The following PIK3AP1 variants were observed in gnomAD, a reference collection of about 807,000 sequenced individuals.
PIK3AP1 encodes phosphoinositide 3-kinase adapter protein 1.
A neutral mutation model predicts 88.1 loss-of-function variants in PIK3AP1; 21 were observed. The observed-to-expected ratio is 0.24, with a 90% CI of 0.17 to 0.34. The LOEUF (loss-of-function observed/expected upper bound fraction) is 0.34, where lower values mean the gene tolerates loss of function less well. Among genes scored for constraint, PIK3AP1 ranks in the 10% least tolerant of loss-of-function variants. The pLI is 1.00. For synonymous variants in PIK3AP1, 398 were observed against 400.0 expected (o/e 1.00, Z 0.06); for missense variants, 828 against 1,035.7 (o/e 0.80, Z 2.75).
intron 2 of PIK3AP1, 121 bp downstream of exon 2, chr10:96,709,446 T>G: frequency 7.9e-7 from 1 of 1,269,456 alleles, no homozygotes; most frequent in Non-Finnish European, 1.1e-6. Context: ...TCTAAACCCA[T>G]AAATATGACC....
chr10:96,679,699 T>C (rs1166348127), intron 2 of PIK3AP1, among the ~76,000 whole-genome samples: 2 of 152,124 alleles, frequency 1.3e-5, no homozygotes, highest in Non-Finnish European at 2.9e-5. Context: ...TCAGGCAGGT[T>C]TGGGGTTGGT....
At chr10:96,604,344 A>ATTTTTTTTCTTT (rs1848962798) in intron 14 of PIK3AP1, among the ~76,000 whole-genome samples, 1 of 77,126 alleles carries the variant, frequency 1.3e-5, no homozygotes, top group Non-Finnish European at 2.4e-5. Flanking sequence ...CACCTAGCCA[A>ATTTTTTTTCTTT]TTTTTTTTTT....
chr10:96,648,710 G>T lies in PIK3AP1; in HGVS notation c.1134C>A (p.Ile378=). The T allele has an allele frequency of 6.2e-7, 1 of 1,609,962 alleles. No homozygotes were observed. Among genetic ancestry groups the T allele is most frequent in the Non-Finnish European group, 8.5e-7 (1 of 1,178,386 alleles). ...GGTCCCTGAAGCCGTGTTTCTCAGCGATGGTGTTGGGGTAGTGGCCATGCT... is the reference window on the plus strand; with the variant it reads ...GGTCCCTGAAGCCGTGTTTCTCAGCTATGGTGTTGGGGTAGTGGCCATGCT... ...ANKHGHYPNT[I]AEKHGFRDLR... is the part of the protein sequence containing the mutation. Residue 378 remains isoleucine (I), a synonymous_variant, in exon 7 of 17, where the codon ATC becomes ATA. Coordinates refer to ENST00000339364, the MANE Select transcript of PIK3AP1 (RefSeq NM_152309.3).
intron 2 of PIK3AP1, among the ~76,000 whole-genome samples, chr10:96,673,353 T>G (rs1843873725): frequency 6.6e-6 from 1 of 152,164 alleles, no homozygotes; most frequent in African/African-American, 2.4e-5. Flanking sequence ...ATCAGGATCC[T>G]TAGGGAGCAC....
intron 2 of PIK3AP1, among the ~76,000 whole-genome samples, chr10:96,676,308 CTTTT>C (rs147680543): frequency 1.3e-4 from 17 of 126,618 alleles, no homozygotes; most frequent in African/African-American, 3.1e-4. Context: ...TGTGACCTTG[CTTTT>C]TTTTTTTTTT....
chr10:96,617,053 C>T (rs1169127969), intron 12 of PIK3AP1, among the ~76,000 whole-genome samples: 1 of 152,232 alleles, frequency 6.6e-6, no homozygotes, highest in African/African-American at 2.4e-5. Context: ...TCTCACATCA[C>T]TCCCCTGACC....
intron 16 of PIK3AP1, among the ~76,000 whole-genome samples, chr10:96,598,442 G>A (rs529931690): frequency 3.5e-4 from 53 of 151,922 alleles, no homozygotes; most frequent in Non-Finnish European, 5.3e-4. Flanking sequence ...TAAGAGCTCC[G>A]GAAGTCCAAC....
chr10:96,625,937 G>A (rs1843149080), intron 10 of PIK3AP1, among the ~76,000 whole-genome samples: 1 of 151,984 alleles, frequency 6.6e-6, no homozygotes. Flanking sequence ...TTGTAGAGAC[G>A]GAGTTTTGCC....
chr10:96,683,704 T>C (rs75995723), intron 2 of PIK3AP1, among the ~76,000 whole-genome samples: 1,553 of 152,358 alleles, frequency 0.01, 21 homozygotes, highest in African/African-American at 0.036. Flanking sequence ...ATTCATTTAA[T>C]TCATTCATCA....
intron 2 of PIK3AP1, among the ~76,000 whole-genome samples, chr10:96,684,228 G>T (rs942064496): frequency 5.3e-5 from 8 of 152,198 alleles, no homozygotes; most frequent in Non-Finnish European, 1.2e-4. Flanking sequence ...AGCTAGTTAG[G>T]CAATGTGAGC....
rs1278275468 is a variant in PIK3AP1 at position 96,720,292 on chromosome 10, A to G, written c.13+90T>C. ...CAAGATCCCCGCACAGAGGACGCAAACAGAAGCAAGCGGGGGAGCGCGCCT... is the reference window on the plus strand; with the variant it reads ...CAAGATCCCCGCACAGAGGACGCAAGCAGAAGCAAGCGGGGGAGCGCGCCT... On this transcript the variant is annotated intron_variant, in intron 1 of 16. Coordinates refer to ENST00000339364, the MANE Select transcript of PIK3AP1 (RefSeq NM_152309.3). This position sits in a 1 kb window ranked among gnomAD's most constrained non-coding sequence, Gnocchi z 4.6. The G allele has an allele frequency of 1.7e-6, 2 of 1,199,806 alleles. No individual in the cohort carries two copies. The highest frequency in any genetic ancestry group is 2.1e-6 in the Non-Finnish European group (2 of 950,544). The allele number at this position is 1,199,806 out of a possible 1,614,324, so 74.3% of individuals were successfully genotyped here. A position where few individuals can be genotyped will look rare whatever the true frequency, so the allele number is the denominator to read the frequency against.
intron 2 of PIK3AP1, among the ~76,000 whole-genome samples, chr10:96,665,542 G>C (rs1173671179): frequency 6.6e-6 from 1 of 152,202 alleles, no homozygotes; most frequent in Admixed American, 6.5e-5. Flanking sequence ...TCTCAAACCA[G>C]TGTCTGGTCT....
At chr10:96,622,241 A>G (rs1025387265) in intron 11 of PIK3AP1, among the ~76,000 whole-genome samples, 1 of 152,174 alleles carries the variant, frequency 6.6e-6, no homozygotes, top group Non-Finnish European at 1.5e-5. Flanking sequence ...TCTCTTCTAC[A>G]TTACAAATTC....
chr10:96,603,928 G>C (rs369696431), intron 15 of PIK3AP1, 51 bp downstream of exon 15: 5 of 1,457,988 alleles, frequency 3.4e-6, no homozygotes, highest in Non-Finnish European at 4.7e-6. Context: ...TATCTCTTGC[G>C]ATGAAACGAC....
chr10:96,638,869 C>T (rs1007841147), intron 8 of PIK3AP1, among the ~76,000 whole-genome samples: 4 of 152,166 alleles, frequency 2.6e-5, no homozygotes, highest in African/African-American at 7.2e-5. Flanking sequence ...CTTTGAAAGG[C>T]AAGTTTCATG....
At chr10:96,630,065 C>T (rs1843224845) in intron 8 of PIK3AP1, among the ~76,000 whole-genome samples, 1 of 151,932 alleles carries the variant, frequency 6.6e-6, no homozygotes, top group Non-Finnish European at 1.5e-5. Flanking sequence ...GAAAGATATT[C>T]CACTGTTCAT....
At chr10:96,711,280 T>G (rs1844434199) in intron 1 of PIK3AP1, among the ~76,000 whole-genome samples, 1 of 152,236 alleles carries the variant, frequency 6.6e-6, no homozygotes, top group African/African-American at 2.4e-5. Context: ...CATCAGGAAC[T>G]ATGTCAAGAA....
chr10:96,623,496 C>G lies in PIK3AP1; in HGVS notation c.1711G>C (p.Val571Leu). ...CCTTTCCTGATGCTCTCTGAGGAAA[C>G]GTAGAAATTCCCAGGCCGCTCTTGA... ...KSQERPGNFYVSSESIRKGPP... is the reference protein window; with the variant it reads ...KSQERPGNFYLSSESIRKGPP... Residue 571 changes from valine (V) to leucine (L), a missense_variant, in exon 11 of 17, where the codon GTT becomes CTT. Coordinates refer to ENST00000339364, the MANE Select transcript of PIK3AP1 (RefSeq NM_152309.3). 1 of 1,611,950 alleles carries G rather than the reference C, an allele frequency of 6.2e-7. No homozygotes were observed. The highest frequency in any genetic ancestry group is 8.5e-7 in the Non-Finnish European group (1 of 1,178,422).
At chr10:96,629,939 G>GAAAAAAAAA (rs1220464470) in intron 8 of PIK3AP1, among the ~76,000 whole-genome samples, 1 of 57,298 alleles carries the variant, frequency 1.7e-5, no homozygotes, top group African/African-American at 5.4e-5. Flanking sequence ...AAAAGAAGAA[G>GAAAAAAAAA]AAGAAGAAGA....
Sources: gnomAD v4.1 joint callset for allele counts (sites outside exome capture counted in the v4.1 genomes callset) on GRCh38, gnomAD v4.1.1 for gene constraint, Gnocchi (gnomAD v3.1) non-coding constraint, MANE v1.5 for transcripts, NCBI Gene and HGNC (gene_info 2026-07-23, HGNC 2026-07-21) for gene names.